Variants in NBDY observed in about 807,000 individuals in gnomAD.
NBDY encodes negative regulator of P-body association.
intron 2 of NBDY, among the ~76,000 whole-genome samples, chrX:56,739,060 G>A (rs1462382465): frequency 3.8e-5 from 4 of 105,792 alleles, no homozygotes; most frequent in Non-Finnish European, 7.7e-5. Context: ...ATTTCTTTAC[G>A]ACCAGCTCCA....
intron 2 of NBDY, among the ~76,000 whole-genome samples, chrX:56,802,908 G>A (rs1432288142): frequency 1.8e-5 from 2 of 110,674 alleles, no homozygotes; most frequent in African/African-American, 6.8e-5. Flanking sequence ...CCAGGTGGCT[G>A]GCTCCTTTTT....
At chrX:56,784,603 G>A (rs1287157682) in intron 2 of NBDY, among the ~76,000 whole-genome samples, 1 of 111,676 alleles carries the variant, frequency 9.0e-6, no homozygotes, top group African/African-American at 3.3e-5. Context: ...GCCTTCTCCT[G>A]GGCCTGTCTT....
intron 2 of NBDY, among the ~76,000 whole-genome samples, chrX:56,813,411 G>T (rs1219401962): frequency 9.0e-6 from 1 of 110,764 alleles, no homozygotes; most frequent in Non-Finnish European, 1.9e-5. Flanking sequence ...GTACAGGCAG[G>T]CTGTCTCTGC....
intron 2 of NBDY, among the ~76,000 whole-genome samples, chrX:56,814,443 G>C (rs1402905257): frequency 9.3e-6 from 1 of 107,560 alleles, no homozygotes; most frequent in East Asian, 2.9e-4. Context: ...TGCATCATAT[G>C]TTTTAATTTT....
chrX:56,805,581 G>T (rs888960206), intron 2 of NBDY, among the ~76,000 whole-genome samples: 2 of 111,979 alleles, frequency 1.8e-5, no homozygotes, highest in Non-Finnish European at 3.8e-5. Context: ...GCAGGATGGG[G>T]TGGTGGTGGG....
At chrX:56,782,039 C>T (rs1167010173) in intron 2 of NBDY, among the ~76,000 whole-genome samples, 2 of 111,145 alleles carry the variant, frequency 1.8e-5, no homozygotes, top group Non-Finnish European at 3.8e-5. Context: ...AAGTTTTGAT[C>T]CCACTCAGGA....
At chrX:56,732,443 T>A (rs920766961) in intron 2 of NBDY, among the ~76,000 whole-genome samples, 1 of 111,972 alleles carries the variant, frequency 8.9e-6, no homozygotes, top group Admixed American at 9.5e-5. Context: ...TTTAACTACA[T>A]TTTCTAATTG....
chrX:56,783,465 A>G (rs2069708004), intron 2 of NBDY, among the ~76,000 whole-genome samples: 1 of 112,391 alleles, frequency 8.9e-6, no homozygotes, highest in Admixed American at 9.3e-5. Context: ...CCTTATGCGT[A>G]TCTCAAAATG....
At position 56,818,677 on chromosome X, in the gene NBDY, T is replaced by G. The variant is rs1485830088; in HGVS notation, c.*1524T>G. 1 of 111,927 alleles carries G rather than the reference T, an allele frequency of 8.9e-6. No homozygotes were observed. Among genetic ancestry groups the G allele is most frequent in the African/African-American group, 3.2e-5 (1 of 30,820 alleles). The allele number at this position is 111,927 out of a possible 1,213,427, so 9.2% of individuals were successfully genotyped here. On this transcript the variant is annotated 3_prime_UTR_variant, in exon 3 of 3. Transcript: ENST00000374922. ...TTAAGGTTGCCTACTTTGAAGAAAT[T>G]TATAACCTGATTCTAAAGTTCATAT... is the stretch of plus-strand genomic sequence containing the variant.
chrX:56,740,701 T>A (rs1317632141), intron 2 of NBDY, among the ~76,000 whole-genome samples: 3 of 110,497 alleles, frequency 2.7e-5, no homozygotes, highest in African/African-American at 9.9e-5. Context: ...TGAATGTAAA[T>A]TTTTTTTGTT....
chrX:56,812,386 C>T (rs2069891507), intron 2 of NBDY, among the ~76,000 whole-genome samples: 1 of 110,257 alleles, frequency 9.1e-6, no homozygotes, highest in African/African-American at 3.3e-5. Context: ...TCTTTCTGCC[C>T]TCCCTATTGC....
rs181859890 is a variant in NBDY, at chrX:56,785,972, A to G, written c.*167-31348A>G. Among the ~76,000 whole-genome samples the G allele has an allele frequency of 5.4e-5, 6 of 111,491 alleles. No individual in the cohort carries two copies. The East Asian group carries it at 1.7e-3, about 32-fold the overall frequency. On this transcript the variant is annotated intron_variant, in intron 2 of 2. Transcript: ENST00000374922. ...GGACACCCTCAGGGAAAACAGGCTT[A>G]CTTTTCCTAAGGAAATTAGAAGGAC...
intron 2 of NBDY, among the ~76,000 whole-genome samples, chrX:56,814,199 T>A (rs185995597): frequency 3.6e-5 from 4 of 111,355 alleles, no homozygotes; most frequent in Admixed American, 1.9e-4. Flanking sequence ...CATAGTGATA[T>A]CTTATCTTCT....
intron 2 of NBDY, among the ~76,000 whole-genome samples, chrX:56,787,272 CACAA>C (rs1243013522): frequency 9.1e-6 from 1 of 110,415 alleles, no homozygotes; most frequent in African/African-American, 3.3e-5. Context: ...CACACACAGA[CACAA>C]ACACACACGT....
intron 2 of NBDY, among the ~76,000 whole-genome samples, chrX:56,799,891 G>T (rs1324560902): frequency 8.9e-6 from 1 of 111,789 alleles, no homozygotes; most frequent in Non-Finnish European, 1.9e-5. Context: ...CTACCCTCTG[G>T]ATTCTTCTCT....
chrX:56,752,533 A>C (rs1346987883), intron 2 of NBDY, among the ~76,000 whole-genome samples: 1 of 111,573 alleles, frequency 9.0e-6, no homozygotes, highest in Non-Finnish European at 1.9e-5. Context: ...ATCTGTGAGG[A>C]AAGAGATATT....
intron 2 of NBDY, among the ~76,000 whole-genome samples, chrX:56,749,495 G>A (rs925323256): frequency 1.8e-5 from 2 of 110,875 alleles, no homozygotes; most frequent in African/African-American, 3.3e-5. Flanking sequence ...TTGGAAAATC[G>A]TGATACCTAC....
At chrX:56,812,305 T>A (rs183759214) in intron 2 of NBDY, among the ~76,000 whole-genome samples, 2 of 110,402 alleles carry the variant, frequency 1.8e-5, no homozygotes, top group Admixed American at 1.9e-4. Context: ...AGGGAGAACA[T>A]GCTTACTTTT....
At chrX:56,731,692 T>G (rs1251881434) in intron 1 of NBDY, among the ~76,000 whole-genome samples, 1 of 112,286 alleles carries the variant, frequency 8.9e-6, no homozygotes, top group Non-Finnish European at 1.9e-5. Context: ...TCACTGATAA[T>G]TGTAATAATA....
Sources: allele counts gnomAD v4.1 joint callset (sites outside exome capture counted in the v4.1 genomes callset), GRCh38; gene constraint gnomAD v4.1.1; transcripts MANE v1.5; gene names NCBI Gene and HGNC (gene_info 2026-07-23, HGNC 2026-07-21).